Variants in BTLA observed in about 807,000 individuals in gnomAD.
BTLA encodes the protein B and T lymphocyte associated, also known as B- and T-lymphocyte attenuator.
A neutral mutation model predicts 25.0 loss-of-function variants in BTLA; 11 were observed. The ratio of observed to expected loss-of-function variants is 0.44; its 90% confidence interval spans 0.28 to 0.73. The LOEUF is 0.73. BTLA is among the 30% of genes least tolerant of loss of function. BTLA has a pLI of 0.15. For synonymous variants in BTLA, 104 were observed against 119.8 expected (o/e 0.87, Z 0.86); for missense variants, 282 against 332.8 (o/e 0.85, Z 1.19).
intron 3 of BTLA, 85 bp from the exon 4 acceptor site, chr3:112,469,889 G>A (rs1366537635): frequency 1.9e-6 from 2 of 1,043,710 alleles, no homozygotes; most frequent in Non-Finnish European, 2.9e-6. Context: ...TTATCCTGTT[G>A]AATGCCAGGG....
intron 1 of BTLA, among the ~76,000 whole-genome samples, chr3:112,482,430 G>A (rs1039953275): frequency 6.6e-6 from 1 of 152,216 alleles, no homozygotes; most frequent in African/African-American, 2.4e-5. Context: ...TTGACCCTGA[G>A]TTTCTCATAC....
intron 1 of BTLA, among the ~76,000 whole-genome samples, chr3:112,493,798 A>G (rs958732352): frequency 6.7e-5 from 10 of 148,792 alleles, no homozygotes; most frequent in African/African-American, 2.2e-4. Context: ...CACTACACCC[A>G]GCCTAAACAG....
intron 1 of BTLA, among the ~76,000 whole-genome samples, chr3:112,495,089 A>G (rs1005057262): frequency 1.3e-5 from 2 of 152,212 alleles, no homozygotes; most frequent in Non-Finnish European, 2.9e-5. Context: ...GCACTATTCT[A>G]AGTGTTTTAC....
At position 112,464,798 on chromosome 3, in the gene BTLA, AACACACACACACAC is replaced by A. The variant is rs56752404; in HGVS notation, c.*1296_*1309del. The A allele has an allele frequency of 6.8e-5, 10 of 146,494 alleles. No individual in the cohort carries two copies. Among genetic ancestry groups the A allele is most frequent in the South Asian group, 4.4e-4 (2 of 4,520 alleles). 9.1% of individuals were successfully genotyped at this position (146,494 alleles called of 1,614,324 possible). On this transcript the variant is annotated 3_prime_UTR_variant, in exon 5 of 5. Transcript: ENST00000334529. Reference sequence around the variant, plus strand: ...ATTTCTGTTGTCACCCACCCCACCTAACACACACACACACACACACACACACACACATCACATTC... The same window carrying A: ...ATTTCTGTTGTCACCCACCCCACCTAACACACACACACACACATCACATTC...
chr3:112,498,121 T>C (rs1008396481), intron 1 of BTLA, among the ~76,000 whole-genome samples: 1 of 152,186 alleles, frequency 6.6e-6, no homozygotes, highest in Non-Finnish European at 1.5e-5. Flanking sequence ...GCGAAAATGC[T>C]CAGGCTGCCA....
intron 1 of BTLA, among the ~76,000 whole-genome samples, chr3:112,483,359 G>C (rs2082328509): frequency 6.6e-6 from 1 of 151,600 alleles, no homozygotes; most frequent in Admixed American, 6.6e-5. Flanking sequence ...TGTTGGTCAG[G>C]CTGGTCTTGA....
chr3:112,491,404 C>A (rs993777555), intron 1 of BTLA, among the ~76,000 whole-genome samples: 1 of 152,132 alleles, frequency 6.6e-6, no homozygotes, highest in Admixed American at 6.5e-5. Flanking sequence ...CTTTTAGATA[C>A]CAAACATGTA....
chr3:112,495,912 G>A lies in BTLA; in HGVS notation c.88+3359C>T, dbSNP rs570435215. Among the ~76,000 whole-genome samples, 92 of 152,296 alleles carry A rather than the reference G, an allele frequency of 6.0e-4. 1 individual carries two copies. Among genetic ancestry groups the A allele is most frequent in the African/African-American group, 2.2e-3 (91 of 41,580 alleles). ...TAATAAAGGGAAAAAAATGACACAA[G>A]CCAGACCAAAATGGAGACATAGCCC... On this transcript the variant is annotated intron_variant, in intron 1 of 4. Coordinates refer to ENST00000334529, the MANE Select transcript of BTLA (RefSeq NM_181780.4).
chr3:112,473,777 G>C (rs2082275651), intron 2 of BTLA, among the ~76,000 whole-genome samples: 1 of 151,772 alleles, frequency 6.6e-6, no homozygotes, highest in African/African-American at 2.4e-5. Context: ...ACCGTGCCCA[G>C]TTTATTTTTT....
intron 1 of BTLA, among the ~76,000 whole-genome samples, chr3:112,483,549 T>C (rs1342012952): frequency 6.6e-6 from 1 of 152,188 alleles, no homozygotes; most frequent in Non-Finnish European, 1.5e-5. Context: ...TTGAGGGACG[T>C]TGCATGCTGG....
intron 2 of BTLA, among the ~76,000 whole-genome samples, chr3:112,475,823 TTTATTCAA>T (rs1158981053): frequency 6.6e-6 from 1 of 152,070 alleles, no homozygotes; most frequent in Non-Finnish European, 1.5e-5. Context: ...ATAGCACTTA[TTTATTCAA>T]TAGTATATAT....
rs745354779 is a variant in BTLA, at chr3:112,471,276, C to CA, written c.482dup (p.Leu161PhefsTer27). Reference sequence around the variant, plus strand: ...TAGTGATGAGTAGAGGCAATCCCCCCAAAGGAAGTAAACGATACAGGAGCC... The same window carrying CA: ...TAGTGATGAGTAGAGGCAATCCCCCCAAAAGGAAGTAAACGATACAGGAGCC... On this transcript the variant is annotated frameshift_variant, in exon 3 of 5. Coordinates refer to ENST00000334529, the MANE Select transcript of BTLA (RefSeq NM_181780.4). LOFTEE classifies it high-confidence loss of function. 1.2e-6 allele frequency: 2 copies of CA among 1,614,104 alleles called. No individual in the cohort carries two copies. Among genetic ancestry groups the CA allele is most frequent in the Non-Finnish European group, 1.7e-6 (2 of 1,179,980 alleles).
At chr3:112,487,126 A>G (rs76011312) in intron 1 of BTLA, among the ~76,000 whole-genome samples, 6,894 of 152,326 alleles carry the variant, frequency 0.045, 240 homozygotes, top group Middle Eastern at 0.082. Context: ...GTAGAATGCA[A>G]TGTTTGTCAA....
rs1477133364 is a variant in BTLA at position 112,471,274 on chromosome 3, C to T, written c.485G>A (p.Gly162Glu). The change falls in exon 3 of 5, where the codon GGG becomes GAG. Residue 162 changes from glycine to glutamate, a missense_variant. Physicochemically the swap from Gly to Glu is moderately conservative, Grantham distance 98. Around this residue, in one of 2 missense-constraint regions of BTLA, gnomAD observed 163 missense variants for 230.4 expected, o/e 0.71. Transcript: ENST00000334529. Reference sequence around the variant, plus strand: ...GGTAGTGATGAGTAGAGGCAATCCCCCCAAAGGAAGTAAACGATACAGGAG... The same window carrying T: ...GGTAGTGATGAGTAGAGGCAATCCCTCCAAAGGAAGTAAACGATACAGGAG... ...PWLLYRLLPL[G>E]GLPLLITTCF... 1 of 1,613,968 alleles carries T rather than the reference C, an allele frequency of 6.2e-7. No individual in the cohort carries two copies. Among genetic ancestry groups the T allele is most frequent in the African/African-American group, 1.3e-5 (1 of 74,926 alleles).
chr3:112,498,819 G>C (rs1207039744), intron 1 of BTLA, among the ~76,000 whole-genome samples: 1 of 151,986 alleles, frequency 6.6e-6, no homozygotes, highest in Non-Finnish European at 1.5e-5. Flanking sequence ...AATATTATTT[G>C]AGGGTAACCA....
chr3:112,471,478 T>G, intron 2 of BTLA, 123 bp from the exon 3 acceptor site: 1 of 1,044,348 alleles, frequency 9.6e-7, no homozygotes, highest in Non-Finnish European at 1.4e-6. Flanking sequence ...CCATTTCCCC[T>G]TCAGAGGCAT....
At chr3:112,484,538 C>T (rs1262105413) in intron 1 of BTLA, among the ~76,000 whole-genome samples, 1 of 152,222 alleles carries the variant, frequency 6.6e-6, no homozygotes, top group Non-Finnish European at 1.5e-5. Flanking sequence ...CACAACTTCA[C>T]CTTCCTTAAT....
intron 1 of BTLA, among the ~76,000 whole-genome samples, chr3:112,496,115 C>T (rs575953809): frequency 7.2e-4 from 109 of 152,292 alleles, no homozygotes; most frequent in African/African-American, 2.5e-3. Context: ...AGTGTTCCTG[C>T]CTGCCTAAAA....
chr3:112,465,875 A>G lies in BTLA; in HGVS notation c.*233T>C, dbSNP rs2107303619. On this transcript the variant is annotated 3_prime_UTR_variant, in exon 5 of 5. Coordinates refer to ENST00000334529, the MANE Select transcript of BTLA (RefSeq NM_181780.4). The stretch of plus-strand genomic sequence containing the variant: ...TATTCTGCTACTCATGATGTCAACC[A>G]GTTTTGGAGAGATTTTGTTATTCAA... 7.7e-6 allele frequency: 3 copies of G among 389,924 alleles called. No individual in the cohort carries two copies. Among genetic ancestry groups the G allele is most frequent in the East Asian group, 3.9e-5 (1 of 25,532 alleles). 24.2% of individuals were successfully genotyped at this position (389,924 alleles called of 1,614,324 possible). A position where few individuals can be genotyped will look rare whatever the true frequency, so the allele number is the denominator to read the frequency against.
Sources: gnomAD v4.1 joint callset for allele counts (sites outside exome capture counted in the v4.1 genomes callset) on GRCh38, gnomAD v4.1.1 for gene constraint, gnomAD v4.1.1 regional missense constraint, MANE v1.5 for transcripts, NCBI Gene and HGNC (gene_info 2026-07-23, HGNC 2026-07-21) for gene names.